The following SDCCAG8 variants were observed in gnomAD, a reference collection of about 807,000 sequenced individuals.
SDCCAG8 encodes the protein serologically defined colon cancer antigen 8.
A neutral mutation model predicts 101.8 loss-of-function variants in SDCCAG8; 74 were observed. That is an observed-to-expected ratio of 0.73 (90% CI 0.60 to 0.88). SDCCAG8 has a LOEUF of 0.88. Ranked by LOEUF, SDCCAG8 falls within the 40% of genes least tolerant of loss-of-function variation. The pLI, the probability that SDCCAG8 is intolerant of heterozygous loss-of-function variation, is 0.00. For synonymous variants in SDCCAG8, 281 were observed against 292.9 expected, an observed-to-expected ratio of 0.96 and a Z score of 0.41; for missense variants, 787 against 822.6, an observed-to-expected ratio of 0.96 and a Z score of 0.53.
intron 16 of SDCCAG8, among the ~76,000 whole-genome samples, chr1:243,452,411 TC>T (rs2083434990): frequency 9.2e-6 from 1 of 108,112 alleles, no homozygotes. Flanking sequence ...GATGATCTCA[TC>T]TCTTTTTTTT....
intron 10 of SDCCAG8, among the ~76,000 whole-genome samples, 171 bp downstream of exon 10, chr1:243,330,863 A>G (rs1361618025): frequency 6.6e-6 from 1 of 152,342 alleles, no homozygotes; most frequent in East Asian, 1.9e-4. Context: ...TTATCTTTTC[A>G]TATATTTCTC....
rs1428121463 is a variant in SDCCAG8, at chr1:243,492,446, C to T, written c.2112+3306C>T. Among the ~76,000 whole-genome samples the T allele has an allele frequency of 1.7e-3, 248 of 149,664 alleles. 1 individual carries two copies. Among genetic ancestry groups the T allele is most frequent in the Non-Finnish European group, 3.0e-3 (200 of 67,230 alleles). On this transcript the variant is annotated intron_variant, in intron 17 of 17. Coordinates refer to ENST00000366541, the MANE Select transcript of SDCCAG8 (RefSeq NM_006642.5). ...GCTCCCAAGTAGCTGGGATTACAGGCACCCACCACCACACCTAGCTAATTT... is the reference window on the plus strand; with the variant it reads ...GCTCCCAAGTAGCTGGGATTACAGGTACCCACCACCACACCTAGCTAATTT...
intron 17 of SDCCAG8, among the ~76,000 whole-genome samples, chr1:243,493,639 G>A (rs914387232): frequency 5.9e-5 from 9 of 151,860 alleles, no homozygotes; most frequent in African/African-American, 1.5e-4. Flanking sequence ...AAACAGAGTC[G>A]GAAACTGACT....
chr1:243,497,025 CAGA>C (rs1400734978), intron 17 of SDCCAG8, among the ~76,000 whole-genome samples: 5 of 152,162 alleles, frequency 3.3e-5, no homozygotes, highest in South Asian at 2.1e-4. Context: ...AATGGAAGGG[CAGA>C]AGGACGGGAG....
rs556191085 is a variant in SDCCAG8, at chr1:243,344,287, G to C, written c.1429G>C (p.Glu477Gln). ...EKDEAEKEHREFRAKTNRDLE... is the reference protein window; with the variant it reads ...EKDEAEKEHRQFRAKTNRDLE... ...GGATGAGGCAGAAAAGGAGCACAGA[G>C]AGTTCAGAGCAAAAACTAACAGGGA... The change falls in exon 12 of 18, where the codon GAG becomes CAG. Residue 477 changes from glutamate (E) to glutamine (Q), a missense_variant. Transcript: ENST00000366541. 5.0e-5 allele frequency: 80 copies of C among 1,614,000 alleles called. No individual in the cohort carries two copies. The Middle Eastern group carries it at 9.9e-4, about 20-fold the overall frequency.
chr1:243,409,062 C>G (rs576156861), intron 13 of SDCCAG8, among the ~76,000 whole-genome samples: 2 of 152,162 alleles, frequency 1.3e-5, no homozygotes, highest in East Asian at 3.9e-4. Context: ...GTGTCATCTT[C>G]CCAGAGCACA....
At chr1:243,388,710 A>T (rs113813446) in intron 13 of SDCCAG8, among the ~76,000 whole-genome samples, 7 of 151,998 alleles carry the variant, frequency 4.6e-5, no homozygotes, top group African/African-American at 1.7e-4. Context: ...AAAAAAAAAA[A>T]AAAAAATTAA....
chr1:243,439,050 C>T (rs2082346046), intron 16 of SDCCAG8, among the ~76,000 whole-genome samples: 1 of 152,164 alleles, frequency 6.6e-6, no homozygotes, highest in African/African-American at 2.4e-5. Flanking sequence ...GCTGTAGTCC[C>T]TGGGCAGTGA....
intron 6 of SDCCAG8, among the ~76,000 whole-genome samples, chr1:243,294,980 T>C (rs956252969): frequency 1.3e-5 from 2 of 152,122 alleles, no homozygotes; most frequent in Admixed American, 6.5e-5. Context: ...TATAGTTTTC[T>C]AAAGATTCTT....
chr1:243,342,361 C>T (rs909185556), intron 11 of SDCCAG8, among the ~76,000 whole-genome samples: 2 of 152,136 alleles, frequency 1.3e-5, no homozygotes, highest in African/African-American at 2.4e-5. Flanking sequence ...TTGCTTCCAA[C>T]GTGGAGATAA....
Position 243,480,814 on chromosome 1 carries a change from G to A in SDCCAG8, c.1986-8200G>A, listed in dbSNP as rs929768667. Among the ~76,000 whole-genome samples, 355 of 67,658 alleles carry A rather than the reference G, an allele frequency of 5.2e-3. 1 individual carries two copies. The highest frequency in any genetic ancestry group is 9.1e-3 in the East Asian group (17 of 1,864). The allele number at this position is 67,658 out of a possible 152,430, so 44.4% of individuals were successfully genotyped here. The stretch of plus-strand genomic sequence containing the variant: ...GTGGGATGGATGGATGGATGGATGG[G>A]TGGGATGGATGGATGGATGGATGGA... On this transcript the variant is annotated intron_variant, in intron 16 of 17. Transcript: ENST00000366541.
At chr1:243,271,350 A>G (rs1361021013) in intron 3 of SDCCAG8, among the ~76,000 whole-genome samples, 1 of 148,500 alleles carries the variant, frequency 6.7e-6, no homozygotes, top group African/African-American at 2.5e-5. Flanking sequence ...AATATATAAT[A>G]TATAATAAAT....
chr1:243,391,004 G>A (rs568822608), intron 13 of SDCCAG8, among the ~76,000 whole-genome samples: 59 of 152,198 alleles, frequency 3.9e-4, no homozygotes, highest in Middle Eastern at 6.8e-3. Context: ...TCGCTGTATT[G>A]CCCAGCCTGG....
intron 12 of SDCCAG8, among the ~76,000 whole-genome samples, chr1:243,351,243 C>T (rs1479106360): frequency 6.6e-6 from 1 of 152,158 alleles, no homozygotes; most frequent in Non-Finnish European, 1.5e-5. Context: ...ATTCTTCACA[C>T]CCTCTTTCAG....
At chr1:243,294,532 C>T (rs937747625) in intron 6 of SDCCAG8, among the ~76,000 whole-genome samples, 3 of 14,148 alleles carry the variant, frequency 2.1e-4, no homozygotes, top group African/African-American at 4.1e-4. Flanking sequence ...AGAGAACAAC[C>T]CACCTCTCCC....
intron 6 of SDCCAG8, 70 bp from the exon 7 acceptor site, chr1:243,304,629 ATTGAGTTTAATATT>A: frequency 1.4e-6 from 1 of 738,516 alleles, no homozygotes; most frequent in African/African-American, 1.8e-5. Context: ...AAAGAAAAAA[ATTGAGTTTAATATT>A]AAAAATTAAA....
At chr1:243,480,559 A>G (rs1255909123) in intron 16 of SDCCAG8, among the ~76,000 whole-genome samples, 5 of 320 alleles carry the variant, frequency 0.016, no homozygotes, top group Non-Finnish European at 0.028. Context: ...ATGGATGGAT[A>G]GGTGGGATGG....
chr1:243,395,959 G>A (rs2079008034), intron 13 of SDCCAG8, among the ~76,000 whole-genome samples: 1 of 151,890 alleles, frequency 6.6e-6, no homozygotes, highest in African/African-American at 2.4e-5. Flanking sequence ...TAAATTTTGG[G>A]ATAATCCTTC....
intron 16 of SDCCAG8, among the ~76,000 whole-genome samples, chr1:243,434,572 A>G (rs889063560): frequency 2.0e-5 from 3 of 152,300 alleles, no homozygotes; most frequent in African/African-American, 7.2e-5. Flanking sequence ...TGTCTCATCT[A>G]AGGGGTCTAA....
Sources: allele counts gnomAD v4.1 joint callset (sites outside exome capture counted in the v4.1 genomes callset), GRCh38; gene constraint gnomAD v4.1.1; transcripts MANE v1.5; gene names NCBI Gene and HGNC (gene_info 2026-07-23, HGNC 2026-07-21).